The following GYS1 variants were observed in gnomAD, a reference collection of about 807,000 sequenced individuals.
GYS1 encodes glycogen synthase 1.
A neutral mutation model predicts 89.1 loss-of-function variants in GYS1; 60 were observed. That is an observed-to-expected ratio of 0.67 (90% CI 0.55 to 0.84). The LOEUF is 0.84. Ranked by LOEUF, GYS1 falls within the 40% of genes least tolerant of loss-of-function variation. GYS1 has a pLI of 0.00. For synonymous variants in GYS1, 366 were observed against 401.7 expected, an observed-to-expected ratio of 0.91 and a Z score of 1.06; for missense variants, 888 against 1,003.1, an observed-to-expected ratio of 0.89 and a Z score of 1.55.
At chr19:48,979,331 C>CTTT (rs1568620568) in intron 8 of GYS1, among the ~76,000 whole-genome samples, 2 of 46,352 alleles carry the variant, frequency 4.3e-5, no homozygotes, top group African/African-American at 7.1e-5. Context: ...TTTCTTTTTT[C>CTTT]TTTTCTTTTT....
In GYS1 at chr19:48,981,528, A is replaced by G; in HGVS notation, c.1169+2T>C. On this transcript the variant is annotated splice_donor_variant, in intron 8 of 15. Coordinates refer to ENST00000323798, the MANE Select transcript of GYS1 (RefSeq NM_002103.5). LOFTEE classifies it high-confidence loss of function. Reference sequence around the variant, plus strand: ...CCAGGGGCCGGAGCGAGGGCTGCTAACCAAAGCTGTTTGCGCACAGCTTGG... The same window carrying G: ...CCAGGGGCCGGAGCGAGGGCTGCTAGCCAAAGCTGTTTGCGCACAGCTTGG... 1.3e-6 allele frequency: 2 copies of G among 1,580,154 alleles called. No individual in the cohort carries two copies. Among genetic ancestry groups the G allele is most frequent in the Non-Finnish European group, 8.7e-7 (1 of 1,149,082 alleles).
At chr19:48,972,468 CT>C (rs967019476) in intron 12 of GYS1, among the ~76,000 whole-genome samples, 7 of 152,120 alleles carry the variant, frequency 4.6e-5, no homozygotes, top group South Asian at 2.1e-4. Context: ...GCCACTGCCC[CT>C]GACCTATAAT....
chr19:48,969,094 C>A lies in GYS1; in HGVS notation c.*194G>T. On this transcript the variant is annotated 3_prime_UTR_variant, in exon 16 of 16. Coordinates refer to ENST00000323798, the MANE Select transcript of GYS1 (RefSeq NM_002103.5). Reference sequence around the variant, plus strand: ...CATATTCTGGAGCCAGAGAAAGGCACGGCTTTGTGGATTCTGGAGTGCAGG... The same window carrying A: ...CATATTCTGGAGCCAGAGAAAGGCAAGGCTTTGTGGATTCTGGAGTGCAGG... 2 of 638,678 alleles carry A rather than the reference C, an allele frequency of 3.1e-6. No homozygotes were observed. The highest frequency in any genetic ancestry group is 1.8e-5 in the South Asian group (1 of 54,696). The allele number at this position is 638,678 out of a possible 1,614,324, so 39.6% of individuals were successfully genotyped here. A position where few individuals can be genotyped will look rare whatever the true frequency, so the allele number is the denominator to read the frequency against.
intron 3 of GYS1, 86 bp from the exon 4 acceptor site, chr19:48,986,121 GA>G: frequency 8.1e-7 from 1 of 1,230,358 alleles, no homozygotes; most frequent in South Asian, 1.3e-5. Context: ...GACTCGGGGA[GA>G]GGTCAATCTG....
Position 48,993,034 on chromosome 19 carries a change from C to T in GYS1, c.79G>A (p.Ala27Thr), listed in dbSNP as rs2038965010. ...DWEDEFDLEN[A>T]VLFEVAWEVA... ...TCCCAGGCCACTTCGAAGAGCACTG[C>T]GTTCTCCAGGTCGAATTCATCCTCC... Residue 27 changes from alanine (A) to threonine (T), a missense_variant, in exon 1 of 16, where the codon GCA (alanine) becomes ACA (threonine). Transcript: ENST00000323798. 1.2e-6 allele frequency: 2 copies of T among 1,612,958 alleles called. No individual in the cohort carries two copies. The highest frequency in any genetic ancestry group is 1.1e-5 in the South Asian group (1 of 91,068).
At chr19:48,971,057 T>TA (rs2038557765) in intron 12 of GYS1, 34 bp from the exon 13 acceptor site, 2 of 1,405,884 alleles carry the variant, frequency 1.4e-6, no homozygotes, top group Non-Finnish European at 2.0e-6. Flanking sequence ...CCACTTAGCT[T>TA]CCCTCATCGC....
intron 10 of GYS1, among the ~76,000 whole-genome samples, chr19:48,976,685 G>A (rs1259846470): frequency 2.6e-5 from 4 of 152,174 alleles, no homozygotes; most frequent in African/African-American, 2.4e-5. Context: ...AGGTGGAGCC[G>A]TGTGCAGCAA....
chr19:48,992,830 C>T (rs1393984716), intron 1 of GYS1, among the ~76,000 whole-genome samples, 165 bp downstream of exon 1: 1 of 152,096 alleles, frequency 6.6e-6, no homozygotes, highest in African/African-American at 2.4e-5. Flanking sequence ...CGAACCATCC[C>T]TCTCCCACCC....
chr19:48,972,604 G>A (rs1002414279), intron 12 of GYS1, among the ~76,000 whole-genome samples: 2 of 151,748 alleles, frequency 1.3e-5, no homozygotes, highest in East Asian at 3.9e-4. Flanking sequence ...TCAACTTCCC[G>A]AAGGGCTGGG....
intron 2 of GYS1, among the ~76,000 whole-genome samples, chr19:48,990,012 G>GA (rs1014423642): frequency 2.7e-5 from 4 of 150,680 alleles, no homozygotes; most frequent in Admixed American, 1.3e-4. Flanking sequence ...GGGGGGGGGG[G>GA]GCTATTCTTA....
chr19:48,969,927 T>C (rs1340303909), intron 14 of GYS1, 72 bp from the exon 15 acceptor site: 2 of 980,122 alleles, frequency 2.0e-6, no homozygotes, highest in Non-Finnish European at 3.3e-6. Context: ...GATGGGGGTC[T>C]TGGCCACACC....
At position 48,982,258 on chromosome 19, in the gene GYS1, G is replaced by T; in HGVS notation, c.1059C>A (p.Leu353=). ...CCCCTCATAGCCCAGGCCTCACTCT[G>T]AGCAGATAGTTGAGCCGAGCCAATG... ...LEALARLNYL[L]RVNGSEQTVV... Residue 353 remains leucine (L), a synonymous_variant, in exon 7 of 16, where the codon CTC becomes CTA. Coordinates refer to ENST00000323798, the MANE Select transcript of GYS1 (RefSeq NM_002103.5). The T allele has an allele frequency of 1.2e-6, 2 of 1,613,540 alleles. No individual in the cohort carries two copies. The highest frequency in any genetic ancestry group is 2.2e-5 in the South Asian group (2 of 91,024).
At chr19:48,980,717 C>T (rs2038746934) in intron 8 of GYS1, among the ~76,000 whole-genome samples, 1 of 151,926 alleles carries the variant, frequency 6.6e-6, no homozygotes, top group African/African-American at 2.4e-5. Flanking sequence ...CAGTGGCTCA[C>T]CCCTGTAATC....
In GYS1 at chr19:48,991,133, A is replaced by T. The variant is rs1347754924; in HGVS notation, c.300+169T>A. On this transcript the variant is annotated intron_variant, in intron 2 of 15. Transcript: ENST00000323798. This position sits in a 1 kb window ranked among gnomAD's most constrained non-coding sequence, Gnocchi z 4.7. Reference sequence around the variant, plus strand: ...GCCCATGTCTGGGATCCACCCACCCACTTCCAGGCCCTGCATCTGTCTGGG... The same window carrying T: ...GCCCATGTCTGGGATCCACCCACCCTCTTCCAGGCCCTGCATCTGTCTGGG... Among the ~76,000 whole-genome samples the T allele has an allele frequency of 6.6e-6, 1 of 151,896 alleles. No homozygotes were observed. The highest frequency in any genetic ancestry group is 1.5e-5 in the Non-Finnish European group (1 of 67,950).
chr19:48,974,797 G>GAGGA, intron 10 of GYS1, 64 bp from the exon 11 acceptor site: 2 of 1,148,762 alleles, frequency 1.7e-6, no homozygotes, highest in Non-Finnish European at 2.6e-6. Context: ...ACTTCCTCAT[G>GAGGA]AGCCATGCGG....
chr19:48,970,784 G>C, intron 13 of GYS1, 75 bp from the exon 14 acceptor site: 1 of 1,496,276 alleles, frequency 6.7e-7, no homozygotes, highest in Non-Finnish European at 9.3e-7. Context: ...TGTGGCACCA[G>C]GACCCCTCCT....
chr19:48,982,375 C>T lies in GYS1; in HGVS notation c.942G>A (p.Gly314=), dbSNP rs369803997. ...IQEFVRGHFY[G]HLDFNLDKTL... Reference sequence around the variant, plus strand: ...TCTTGTCCAAGTTGAAGTCCAGATGCCTAAAGAACCCACAAGGCACGGTAA... The same window carrying T: ...TCTTGTCCAAGTTGAAGTCCAGATGTCTAAAGAACCCACAAGGCACGGTAA... Residue 314 remains glycine (G), a splice_region_variant and synonymous_variant, in exon 7 of 16, where the codon GGG becomes GGA. Coordinates refer to ENST00000323798, the MANE Select transcript of GYS1 (RefSeq NM_002103.5). 5 of 1,613,644 alleles carry T rather than the reference C, an allele frequency of 3.1e-6. No individual in the cohort carries two copies. The Admixed American group carries it at 8.3e-5, about 27-fold the overall frequency.
chr19:48,978,857 A>G (rs1185833076), intron 8 of GYS1, among the ~76,000 whole-genome samples: 4 of 152,060 alleles, frequency 2.6e-5, no homozygotes, highest in African/African-American at 9.7e-5. Context: ...CTAGGATAGC[A>G]AGGAAACTGA....
chr19:48,984,394 CTT>C (rs60151981), intron 5 of GYS1, among the ~76,000 whole-genome samples: 6 of 147,316 alleles, frequency 4.1e-5, no homozygotes, highest in South Asian at 2.2e-4. Context: ...ATATTCAACA[CTT>C]TTTTTTTTTA....
Sources: allele counts gnomAD v4.1 joint callset (sites outside exome capture counted in the v4.1 genomes callset), GRCh38; gene constraint gnomAD v4.1.1; non-coding constraint Gnocchi (gnomAD v3.1); transcripts MANE v1.5; gene names NCBI Gene and HGNC (gene_info 2026-07-23, HGNC 2026-07-21).